The following SLC25A16 variants were observed in gnomAD, a reference collection of about 807,000 sequenced individuals.
The protein encoded by SLC25A16 is solute carrier family 25 member 16.
Under a neutral mutation model 41.5 loss-of-function variants are expected in SLC25A16, and 39 were observed. The observed-to-expected ratio is 0.94, with a 90% CI of 0.73 to 1.23. The LOEUF (loss-of-function observed/expected upper bound fraction) is 1.23, where lower values mean the gene tolerates loss of function less well. Among genes scored for constraint, SLC25A16 ranks in the 50% most tolerant of loss-of-function variants. SLC25A16 has a pLI of 0.00. For synonymous variants in SLC25A16, 146 were observed against 147.8 expected, an observed-to-expected ratio of 0.99 and a Z score of 0.09; for missense variants, 421 against 426.9, an observed-to-expected ratio of 0.99 and a Z score of 0.12.
chr10:68,497,915 T>C (rs936607363), intron 4 of SLC25A16, among the ~76,000 whole-genome samples: 3 of 152,036 alleles, frequency 2.0e-5, no homozygotes, highest in Admixed American at 2.0e-4. Context: ...CCTTTATTTT[T>C]ATTTTTGAGG....
At chr10:68,524,257 G>A (rs1325947723) in intron 1 of SLC25A16, among the ~76,000 whole-genome samples, 2 of 134,040 alleles carry the variant, frequency 1.5e-5, no homozygotes, top group Non-Finnish European at 3.0e-5. Context: ...TGAGATTGCA[G>A]TGAGCCGAGA....
chr10:68,487,193 G>A lies in SLC25A16; in HGVS notation c.793C>T (p.Arg265Cys), dbSNP rs869312864. 8.1e-6 allele frequency: 13 copies of A among 1,613,364 alleles called. No homozygotes were observed. The highest frequency in any genetic ancestry group is 1.7e-5 in the Admixed American group (1 of 59,948). ...QTISYPFDVT[R>C]RRMQLGTVLP... is the part of the protein sequence containing the mutation. ...ACAGTTCCTAATTGCATTCGCCGAC[G>A]AGTCACATCAAATGGGTAGCTAAAA... The change falls in exon 8 of 9, where the codon CGT becomes TGT. Residue 265 changes from arginine (R) to cysteine (C), a missense_variant. Physicochemically the swap from Arg to Cys is radical, Grantham distance 180. Transcript: ENST00000609923.
At position 68,503,680 on chromosome 10, in the gene SLC25A16, G is replaced by A; in HGVS notation, c.373C>T (p.Leu125=). ...CTGTGCACATGACCTGAAATTCCCA[G>A]CTTCGTAGTAATTAACTAGAAAACA... ...EHYKTLITTK[L]GISGHVHRLM... is the part of the protein sequence containing the mutation. Residue 125 remains leucine, a synonymous_variant, in exon 4 of 9, where the codon CTG becomes TTG. Transcript: ENST00000609923. 2 of 1,603,286 alleles carry A rather than the reference G, an allele frequency of 1.2e-6. No homozygotes were observed. Among genetic ancestry groups the A allele is most frequent in the East Asian group, 2.2e-5 (1 of 44,746 alleles).
intron 2 of SLC25A16, among the ~76,000 whole-genome samples, chr10:68,508,801 G>T (rs2053004636): frequency 6.6e-6 from 1 of 152,082 alleles, no homozygotes; most frequent in South Asian, 2.1e-4. Context: ...ATCCAAAAGT[G>T]TTTGTAATAA....
rs769331510 is a variant in SLC25A16, at chr10:68,493,468, A to AAAGCATG, written c.517_523dup (p.Phe175SerfsTer62). On this transcript the variant is annotated frameshift_variant, in exon 5 of 9. Transcript: ENST00000609923. LOFTEE classifies it high-confidence loss of function. ...AAATACCTTTGCATAAATTGTTTTG[A>AAAGCATG]AAGCATGAATAATTCCTGTATAGCT... is the stretch of plus-strand genomic sequence containing the variant. 1.2e-6 allele frequency: 2 copies of AAAGCATG among 1,613,324 alleles called. No homozygotes were observed. The highest frequency in any genetic ancestry group is 1.7e-6 in the Non-Finnish European group (2 of 1,179,510).
At chr10:68,524,038 A>AGGCCAGGCAT (rs75886524) in intron 1 of SLC25A16, among the ~76,000 whole-genome samples, 1 of 151,622 alleles carries the variant, frequency 6.6e-6, no homozygotes, top group African/African-American at 2.4e-5. Flanking sequence ...GATCAAGACC[A>AGGCCAGGCAT]GGTGGCTCAC....
chr10:68,478,137 G>C lies in SLC25A16; in HGVS notation c.*5295C>G, dbSNP rs890465420. The C allele has an allele frequency of 6.6e-6, 1 of 152,124 alleles. No individual in the cohort carries two copies. The highest frequency in any genetic ancestry group is 1.5e-5 in the Non-Finnish European group (1 of 68,022). The allele number at this position is 152,124 out of a possible 1,614,324, so 9.4% of individuals were successfully genotyped here. ...CTCTAGATTCAGACCGGCTGAATTT[G>C]AATCCTAGATCTGCCACTTACATGA... On this transcript the variant is annotated 3_prime_UTR_variant, in exon 9 of 9. Coordinates refer to ENST00000609923, the MANE Select transcript of SLC25A16 (RefSeq NM_152707.4).
At chr10:68,517,214 T>A in intron 1 of SLC25A16, 1 of 994,896 alleles carries the variant, frequency 1.0e-6, no homozygotes, top group African/African-American at 1.7e-5. Context: ...GACAGACACT[T>A]GAAGGTATTT....
At chr10:68,483,777 T>G (rs982760857) in intron 8 of SLC25A16, among the ~76,000 whole-genome samples, 189 bp from the exon 9 acceptor site, 1 of 152,092 alleles carries the variant, frequency 6.6e-6, no homozygotes, top group Non-Finnish European at 1.5e-5. Flanking sequence ...ATTCTCCTGC[T>G]TCAGTCTCCT....
chr10:68,499,636 C>A, intron 4 of SLC25A16: 1 of 346,792 alleles, frequency 2.9e-6, no homozygotes, highest in Non-Finnish European at 5.7e-6. Flanking sequence ...CCCCTCTTTC[C>A]AAAGAGCTGA....
At position 68,508,260 on chromosome 10, in the gene SLC25A16, A is replaced by G. The variant is rs143986457; in HGVS notation, c.224-1542T>C. 2.9e-3 allele frequency among the ~76,000 whole-genome samples: 444 copies of G among 152,222 alleles called. 1 individual carries two copies. Among genetic ancestry groups the G allele is most frequent in the African/African-American group, 1.0e-2 (414 of 41,556 alleles). On this transcript the variant is annotated intron_variant, in intron 2 of 8. Transcript: ENST00000609923. Reference sequence around the variant, plus strand: ...TGCTTGTTTGAACAAAAATTATGGCAATGCAATCTGGAGTTTATGACATAT... The same window carrying G: ...TGCTTGTTTGAACAAAAATTATGGCGATGCAATCTGGAGTTTATGACATAT...
At chr10:68,523,077 G>A (rs2053274493) in intron 1 of SLC25A16, among the ~76,000 whole-genome samples, 1 of 152,172 alleles carries the variant, frequency 6.6e-6, no homozygotes. Context: ...ATTTAACTTA[G>A]CCAACAACGA....
intron 3 of SLC25A16, among the ~76,000 whole-genome samples, chr10:68,504,188 T>G (rs2052909649): frequency 6.6e-6 from 1 of 151,818 alleles, no homozygotes; most frequent in African/African-American, 2.4e-5. Flanking sequence ...GGCTAATTTT[T>G]TATTTTTTAG....
chr10:68,502,375 T>TAAAAAAA (rs2052863833), intron 4 of SLC25A16, among the ~76,000 whole-genome samples: 2 of 151,990 alleles, frequency 1.3e-5, no homozygotes, highest in Admixed American at 1.3e-4. Context: ...ATGATTTTTT[T>TAAAAAAA]TAAAAAATCA....
In SLC25A16 at chr10:68,478,412, T is replaced by C. The variant is rs759202122; in HGVS notation, c.*5020A>G. 2 of 152,190 alleles carry C rather than the reference T, an allele frequency of 1.3e-5. No individual in the cohort carries two copies. The highest frequency in any genetic ancestry group is 2.9e-5 in the Non-Finnish European group (2 of 68,040). The allele number at this position is 152,190 out of a possible 1,614,324, so 9.4% of individuals were successfully genotyped here. A position where few individuals can be genotyped will look rare whatever the true frequency, so the allele number is the denominator to read the frequency against. On this transcript the variant is annotated 3_prime_UTR_variant, in exon 9 of 9. Transcript: ENST00000609923. ...AATAGATGCGAGGAACTATGTAAAG[T>C]GTATGCTTGCTATACAAGTGTGTCA...
chr10:68,490,818 A>G (rs1248577751), intron 6 of SLC25A16, among the ~76,000 whole-genome samples: 2 of 152,158 alleles, frequency 1.3e-5, no homozygotes, highest in African/African-American at 4.8e-5. Context: ...ACTATCCATA[A>G]AAGAATAGAT....
chr10:68,496,592 C>T, intron 4 of SLC25A16: 1 of 984,336 alleles, frequency 1.0e-6, no homozygotes, highest in Non-Finnish European at 1.2e-6. Context: ...CTCTTTCCCT[C>T]TCTTAAGTCA....
chr10:68,497,279 G>C (rs185218970), intron 4 of SLC25A16, among the ~76,000 whole-genome samples: 7 of 152,252 alleles, frequency 4.6e-5, no homozygotes, highest in Admixed American at 4.6e-4. Context: ...ATATACTTTA[G>C]ACAAAAGAAG....
intron 4 of SLC25A16, among the ~76,000 whole-genome samples, chr10:68,499,036 C>A (rs1018224641): frequency 2.6e-5 from 4 of 152,090 alleles, no homozygotes; most frequent in African/African-American, 9.7e-5. Context: ...GACTTCAGAT[C>A]TTTCAGACTA....
Sources: gnomAD v4.1 joint callset for allele counts (sites outside exome capture counted in the v4.1 genomes callset) on GRCh38, gnomAD v4.1.1 for gene constraint, MANE v1.5 for transcripts, NCBI Gene and HGNC (gene_info 2026-07-23, HGNC 2026-07-21) for gene names.